Variants in AP2B1 observed in about 807,000 individuals in gnomAD.
AP2B1 encodes adaptor related protein complex 2 subunit beta 1.
Under a neutral mutation model 102.0 loss-of-function variants are expected in AP2B1, and 23 were observed. That is an observed-to-expected ratio of 0.23 (90% CI 0.16 to 0.32). AP2B1 has a LOEUF of 0.32. AP2B1 is among the 10% of genes least tolerant of loss of function. AP2B1 has a pLI of 1.00. For missense variants in AP2B1, 541 were observed against 1,157.4 expected, an observed-to-expected ratio of 0.47 and a Z score of 7.73; for synonymous variants, 381 against 421.2, an observed-to-expected ratio of 0.90 and a Z score of 1.17.
chr17:35,594,117 T>C (rs1037272427), intron 2 of AP2B1, 50 bp downstream of exon 2: 10 of 1,343,656 alleles, frequency 7.4e-6, no homozygotes, highest in Non-Finnish European at 1.0e-5. Context: ...AAAGTTGTAG[T>C]GTAAGATTGC....
At position 35,709,232 on chromosome 17, in the gene AP2B1, G is replaced by A; in HGVS notation, c.2463G>A (p.Val821=). The change falls in exon 19 of 22, where the codon GTG becomes GTA. Residue 821 remains valine, a synonymous_variant. Coordinates refer to ENST00000610402, the MANE Select transcript of AP2B1 (RefSeq NM_001030006.2). ...TGTTGCTTTCCTGGCAGGTGGCTGT[G>A]AAAAACAATATCGATGTCTTCTACT... The part of the protein sequence containing the change: ...MEPLNNLQVA[V]KNNIDVFYFS... 1.9e-6 allele frequency: 3 copies of A among 1,614,066 alleles called. No individual in the cohort carries two copies. The highest frequency in any genetic ancestry group is 1.7e-6 in the Non-Finnish European group (2 of 1,180,008).
intron 18 of AP2B1, among the ~76,000 whole-genome samples, chr17:35,683,473 G>A (rs587605713): frequency 2.0e-5 from 3 of 152,270 alleles, no homozygotes; most frequent in South Asian, 4.1e-4. Context: ...TGGACCACAG[G>A]TAGCTAGGCT....
At chr17:35,660,308 G>C (rs1024093902) in intron 14 of AP2B1, among the ~76,000 whole-genome samples, 3 of 152,036 alleles carry the variant, frequency 2.0e-5, no homozygotes, top group African/African-American at 7.2e-5. Context: ...AGTTGGTCTG[G>C]AGTGAGACCT....
At chr17:35,607,844 C>G (rs920557088) in intron 4 of AP2B1, 1 of 200,826 alleles carries the variant, frequency 5.0e-6, no homozygotes, top group Non-Finnish European at 9.9e-6. Flanking sequence ...TAGGGTAGAT[C>G]CTAATGGCTG....
intron 5 of AP2B1, among the ~76,000 whole-genome samples, chr17:35,620,629 A>G (rs1375677918): frequency 6.6e-6 from 1 of 152,178 alleles, no homozygotes; most frequent in Non-Finnish European, 1.5e-5. Flanking sequence ...AGCCTGGGCA[A>G]TATAGCCAGC....
intron 3 of AP2B1, among the ~76,000 whole-genome samples, chr17:35,601,822 G>T (rs2073496663): frequency 6.7e-6 from 1 of 149,102 alleles, no homozygotes; most frequent in Non-Finnish European, 1.5e-5. Context: ...TTGTTGCCCA[G>T]GCTGCAGCGC....
chr17:35,723,595 T>C, intron 21 of AP2B1, 30 bp from the exon 22 acceptor site: 4 of 1,513,424 alleles, frequency 2.6e-6, no homozygotes, highest in Non-Finnish European at 3.7e-6. Flanking sequence ...ACCTCTGTGC[T>C]AATCTTCCAT....
chr17:35,631,992 A>G (rs978726760), intron 9 of AP2B1, among the ~76,000 whole-genome samples: 2 of 151,820 alleles, frequency 1.3e-5, no homozygotes, highest in African/African-American at 2.4e-5. Flanking sequence ...GATGCACAGA[A>G]GTTTAGATTT....
chr17:35,639,764 A>G lies in AP2B1; in HGVS notation c.1437+4A>G, dbSNP rs771293179. On this transcript the variant is annotated splice_donor_region_variant and intron_variant, in intron 11 of 21. Coordinates refer to ENST00000610402, the MANE Select transcript of AP2B1 (RefSeq NM_001030006.2). Reference sequence around the variant, plus strand: ...TTTTCACGATGAAAGCACCCAGGTAAGTTCTTGTCTCTTGTCTATCCTAGT... The same window carrying G: ...TTTTCACGATGAAAGCACCCAGGTAGGTTCTTGTCTCTTGTCTATCCTAGT... 2 of 1,613,082 alleles carry G rather than the reference A, an allele frequency of 1.2e-6. No homozygotes were observed. The highest frequency in any genetic ancestry group is 2.2e-5 in the East Asian group (1 of 44,856).
intron 18 of AP2B1, among the ~76,000 whole-genome samples, chr17:35,700,032 G>T (rs756335177): frequency 6.6e-6 from 1 of 152,080 alleles, no homozygotes; most frequent in Non-Finnish European, 1.5e-5. Flanking sequence ...GGAGGTCAAG[G>T]CTGCAGTGAG....
intron 19 of AP2B1, among the ~76,000 whole-genome samples, chr17:35,709,995 G>A (rs587743378): frequency 5.8e-4 from 88 of 152,220 alleles, no homozygotes; most frequent in African/African-American, 2.0e-3. Flanking sequence ...GGAAAACAAG[G>A]GAGCCAAAAT....
chr17:35,641,818 A>T, intron 11 of AP2B1, 59 bp from the exon 12 acceptor site: 1 of 1,295,684 alleles, frequency 7.7e-7, no homozygotes, highest in Non-Finnish European at 1.1e-6. Flanking sequence ...TTTGGAGATG[A>T]TGGCAGGGAA....
At chr17:35,709,188 C>T (rs1026478627) in intron 18 of AP2B1, 36 bp from the exon 19 acceptor site, 1 of 1,585,870 alleles carries the variant, frequency 6.3e-7, no homozygotes, top group Non-Finnish European at 8.7e-7. Flanking sequence ...TGGCTCCCTG[C>T]GATGTCCTCA....
At chr17:35,691,228 G>GTTT (rs2076034928) in intron 18 of AP2B1, among the ~76,000 whole-genome samples, 1 of 152,142 alleles carries the variant, frequency 6.6e-6, no homozygotes, top group Admixed American at 6.5e-5. Context: ...CATGTCTTAA[G>GTTT]ATCATTGTCA....
intron 1 of AP2B1, among the ~76,000 whole-genome samples, chr17:35,593,224 G>A (rs2073157634): frequency 6.6e-6 from 1 of 152,054 alleles, no homozygotes; most frequent in South Asian, 2.1e-4. Context: ...ATAAGATCTA[G>A]TATTTGATAG....
chr17:35,637,896 G>T lies in AP2B1; in HGVS notation c.1271+1440G>T, dbSNP rs1053032234. 3.9e-5 allele frequency among the ~76,000 whole-genome samples: 6 copies of T among 152,106 alleles called. No individual in the cohort carries two copies. The South Asian group carries it at 6.2e-4, about 16-fold the overall frequency. On this transcript the variant is annotated intron_variant, in intron 10 of 21. Transcript: ENST00000610402. Reference sequence around the variant, plus strand: ...GACAGGGTTTCACTGTATTGGCCAGGCTGGTCTCGAACTTCTGACCTCAAG... The same window carrying T: ...GACAGGGTTTCACTGTATTGGCCAGTCTGGTCTCGAACTTCTGACCTCAAG...
chr17:35,652,210 T>C (rs2075105083), intron 13 of AP2B1, among the ~76,000 whole-genome samples: 1 of 152,218 alleles, frequency 6.6e-6, no homozygotes, highest in Non-Finnish European at 1.5e-5. Flanking sequence ...CTTTTTGTCA[T>C]TTGTGCATGT....
intron 6 of AP2B1, among the ~76,000 whole-genome samples, chr17:35,626,228 A>G (rs1033509897): frequency 1.3e-5 from 2 of 152,172 alleles, no homozygotes; most frequent in South Asian, 2.1e-4. Flanking sequence ...AACTCTCAGA[A>G]TGCTTAATTT....
In AP2B1 at chr17:35,724,416, A is replaced by C. The variant is rs1002518743; in HGVS notation, c.*717A>C. 1 of 152,170 alleles carries C rather than the reference A, an allele frequency of 6.6e-6. No homozygotes were observed. Among genetic ancestry groups the C allele is most frequent in the African/African-American group, 2.4e-5 (1 of 41,438 alleles). 9.4% of individuals were successfully genotyped at this position (152,170 alleles called of 1,614,324 possible). On this transcript the variant is annotated 3_prime_UTR_variant, in exon 22 of 22. Coordinates refer to ENST00000610402, the MANE Select transcript of AP2B1 (RefSeq NM_001030006.2). ...CTTCTTGAATGATGTTTCAGTGTGC[A>C]AAAACTATAGAGCCTGTCAGCACCA...
Sources: gnomAD v4.1 joint callset for allele counts (sites outside exome capture counted in the v4.1 genomes callset) on GRCh38, gnomAD v4.1.1 for gene constraint, MANE v1.5 for transcripts, NCBI Gene and HGNC (gene_info 2026-07-23, HGNC 2026-07-21) for gene names.